Variants in CFAP68 observed in about 807,000 individuals in gnomAD.
CFAP68 encodes the protein cilia- and flagella-associated protein 68.
the CFAP68 span, chr11:111,879,604 A>G: frequency 2.2e-5 from 35 of 1,613,556 alleles, no homozygotes; most frequent in East Asian, 6.5e-4. Flanking sequence ...TTTCTCTTCC[A>G]GGTGCTTAAA....
the CFAP68 span, chr11:111,880,713 A>G: frequency 8.8e-6 from 4 of 454,376 alleles, no homozygotes; most frequent in Non-Finnish European, 1.8e-5. Context: ...GCCATTCTTT[A>G]TTCCTTTACT....
the CFAP68 span, chr11:111,881,023 C>A: frequency 3.1e-6 from 1 of 327,668 alleles, no homozygotes; most frequent in Non-Finnish European, 5.7e-6. Flanking sequence ...GAGGCAACTG[C>A]AATAATGGAG....
the CFAP68 span, chr11:111,883,832 C>G: frequency 1.9e-6 from 3 of 1,613,498 alleles, no homozygotes; most frequent in African/African-American, 1.3e-5. Flanking sequence ...CTCCCCGATA[C>G]AAATGCACAG....
the CFAP68 span, chr11:111,879,620 T>C: frequency 6.2e-7 from 1 of 1,609,594 alleles, no homozygotes; most frequent in Non-Finnish European, 8.5e-7. Context: ...TTAAATCTCC[T>C]ATCTTCTATT....
the CFAP68 span, chr11:111,881,448 C>T: frequency 2.6e-6 from 4 of 1,535,500 alleles, no homozygotes; most frequent in Non-Finnish European, 3.5e-6. Context: ...TGGCCACTTG[C>T]CCATGGTAAT....
At chr11:111,883,925 G>A in the CFAP68 span, 1 of 1,307,466 alleles carries the variant, frequency 7.6e-7, no homozygotes, top group Non-Finnish European at 1.1e-6. Flanking sequence ...ATATTGACTA[G>A]TTTCACATCC....
At chr11:111,885,691 G>A in the CFAP68 span, 2 of 152,146 alleles carry the variant, frequency 1.3e-5, no homozygotes, top group South Asian at 2.1e-4. Flanking sequence ...TATCTACTGT[G>A]TAAGAAGACA....
chr11:111,882,576 AG>A, the CFAP68 span: 3 of 1,587,106 alleles, frequency 1.9e-6, no homozygotes, highest in African/African-American at 4.1e-5. Flanking sequence ...AATATCGTGC[AG>A]CCCAAACCCT....
chr11:111,880,807 G>A, the CFAP68 span: 14 of 455,882 alleles, frequency 3.1e-5, no homozygotes, highest in South Asian at 7.7e-5. Context: ...GACCCCTTCC[G>A]GTAACAAGAA....
the CFAP68 span, chr11:111,881,327 C>T: frequency 1.4e-6 from 2 of 1,448,668 alleles, no homozygotes; most frequent in Non-Finnish European, 1.8e-6. Context: ...CATCTGTCTT[C>T]ACAAAGGCAG....
At chr11:111,885,760 A>G in the CFAP68 span, 6 of 152,324 alleles carry the variant, frequency 3.9e-5, 1 homozygote, top group Admixed American at 3.3e-4. Context: ...GTAAGCAAGG[A>G]GATATTTTTT....
chr11:111,884,513 A>G, the CFAP68 span: 1 of 150,992 alleles, frequency 6.6e-6, no homozygotes, highest in Non-Finnish European at 1.5e-5. Flanking sequence ...TCTGAAGTCT[A>G]CAACCACTGT....
At chr11:111,882,285 C>A in the CFAP68 span, 2 of 1,131,176 alleles carry the variant, frequency 1.8e-6, no homozygotes, top group Non-Finnish European at 2.6e-6. Context: ...TTATACCTGG[C>A]TATGTAAAAC....
chr11:111,884,301 C>G, the CFAP68 span: 2 of 158,484 alleles, frequency 1.3e-5, 1 homozygote, highest in Non-Finnish European at 2.7e-5. Flanking sequence ...TGGTGAAACA[C>G]TGTCTCTACT....
At chr11:111,880,613 A>G in the CFAP68 span, 1 of 316,120 alleles carries the variant, frequency 3.2e-6, no homozygotes, top group Non-Finnish European at 6.4e-6. Context: ...AAGTGGAGGT[A>G]TGAATTAATC....
chr11:111,882,644 C>A, the CFAP68 span: 1 of 1,464,442 alleles, frequency 6.8e-7, no homozygotes, highest in African/African-American at 1.4e-5. Flanking sequence ...CTTCTGTTGG[C>A]AAAAGAAATG....
At chr11:111,885,681 T>A in the CFAP68 span, 2 of 152,194 alleles carry the variant, frequency 1.3e-5, no homozygotes, top group Non-Finnish European at 2.9e-5. Context: ...CCTATTTTTT[T>A]ATCTACTGTG....
the CFAP68 span, chr11:111,881,512 C>A: frequency 6.5e-7 from 1 of 1,536,040 alleles, no homozygotes; most frequent in East Asian, 2.4e-5. Context: ...TTGTTGACAT[C>A]TTTAAAGAAC....
the CFAP68 span, chr11:111,885,093 G>A: frequency 6.6e-6 from 1 of 151,666 alleles, no homozygotes. Flanking sequence ...AGAGGTTGCA[G>A]TGAGCTGAGA....
Sources: allele counts gnomAD v4.1 joint callset, GRCh38; gene constraint gnomAD v4.1.1; transcripts MANE v1.5; gene names NCBI Gene and HGNC (gene_info 2026-07-23, HGNC 2026-07-21).